HIBADH: variants seen among roughly 807,000 people sequenced by gnomAD.
HIBADH encodes 3-hydroxyisobutyrate dehydrogenase, mitochondrial.
Under a neutral mutation model 36.1 loss-of-function variants are expected in HIBADH, and 25 were observed. The ratio of observed to expected loss-of-function variants is 0.69; its 90% CI spans 0.50 to 0.97. The LOEUF (loss-of-function observed/expected upper bound fraction) is 0.97. HIBADH is among the 50% of genes least tolerant of loss of function. The probability of loss-of-function intolerance (pLI) is 0.00; values close to 1 mark genes in which losing one functional copy is unlikely to be tolerated. For missense variants in HIBADH, 421 were observed against 418.0 expected, an observed-to-expected ratio of 1.01 and a Z score of -0.06; for synonymous variants, 160 against 149.5, an observed-to-expected ratio of 1.07 and a Z score of -0.51.
chr7:27,545,261 C>A (rs535650657), intron 4 of HIBADH, among the ~76,000 whole-genome samples: 1 of 151,860 alleles, frequency 6.6e-6, no homozygotes. Context: ...GGCAACACGG[C>A]GAAACCGTCT....
At chr7:27,601,492 G>A (rs1418850647) in intron 4 of HIBADH, among the ~76,000 whole-genome samples, 1 of 151,918 alleles carries the variant, frequency 6.6e-6, no homozygotes, top group Non-Finnish European at 1.5e-5. Flanking sequence ...CTAAAAAAAA[G>A]CTTATCAGTG....
chr7:27,589,091 T>A (rs564659698), intron 4 of HIBADH, among the ~76,000 whole-genome samples: 3 of 152,316 alleles, frequency 2.0e-5, no homozygotes, highest in Admixed American at 6.5e-5. Flanking sequence ...AATTTTAAAA[T>A]GTGGGAATGG....
At chr7:27,653,512 G>A (rs1786238025) in intron 1 of HIBADH, among the ~76,000 whole-genome samples, 2 of 152,110 alleles carry the variant, frequency 1.3e-5, no homozygotes, top group African/African-American at 2.4e-5. Flanking sequence ...GAGACGGGCG[G>A]ATCACGAGGT....
At chr7:27,636,376 T>C (rs781549881) in intron 2 of HIBADH, among the ~76,000 whole-genome samples, 1 of 152,248 alleles carries the variant, frequency 6.6e-6, no homozygotes, top group Non-Finnish European at 1.5e-5. Context: ...TTAAATACTT[T>C]AAAAGTAGAA....
chr7:27,604,444 G>A (rs1466191680), intron 4 of HIBADH, among the ~76,000 whole-genome samples: 2 of 146,372 alleles, frequency 1.4e-5, no homozygotes, highest in African/African-American at 5.1e-5. Flanking sequence ...TTTTTTTAAT[G>A]TTGGCTACAT....
rs1034966158 is a variant in HIBADH at position 27,553,351 on chromosome 7, A to G, written c.485-10251T>C. On this transcript the variant is annotated intron_variant, in intron 4 of 7. Coordinates refer to ENST00000265395, the MANE Select transcript of HIBADH (RefSeq NM_152740.4). ...AATTGGAAGCAATAGCCGTTCTTCT[A>G]TCCCAAGTTGGCAGCTGCTACATTT... Among the ~76,000 whole-genome samples, 5 of 152,330 alleles carry G rather than the reference A, an allele frequency of 3.3e-5. No homozygotes were observed. The East Asian group carries it at 9.7e-4, about 29-fold the overall frequency.
intron 4 of HIBADH, among the ~76,000 whole-genome samples, chr7:27,613,026 TA>T (rs1324929573): frequency 7.1e-4 from 94 of 132,858 alleles, no homozygotes; most frequent in South Asian, 4.4e-3. Flanking sequence ...ATATATATAT[TA>T]TATTTACATA....
At chr7:27,662,128 G>C (rs914878652) in intron 1 of HIBADH, among the ~76,000 whole-genome samples, 1 of 152,200 alleles carries the variant, frequency 6.6e-6, no homozygotes, top group African/African-American at 2.4e-5. Context: ...GGTTACAGTA[G>C]AGGGGGGAAG....
chr7:27,561,191 G>GTACT (rs1784461766), intron 4 of HIBADH, among the ~76,000 whole-genome samples: 2 of 151,946 alleles, frequency 1.3e-5, no homozygotes, highest in African/African-American at 4.8e-5. Context: ...TTTTCACTGT[G>GTACT]TACTTTATAT....
intron 3 of HIBADH, among the ~76,000 whole-genome samples, chr7:27,630,550 C>G (rs914658207): frequency 1.3e-5 from 2 of 151,904 alleles, no homozygotes; most frequent in Non-Finnish European, 2.9e-5. Flanking sequence ...ACAGAAAAAT[C>G]ATTGATAAAA....
intron 2 of HIBADH, among the ~76,000 whole-genome samples, chr7:27,642,024 G>A (rs1341429207): frequency 2.0e-5 from 3 of 152,188 alleles, no homozygotes; most frequent in Non-Finnish European, 2.9e-5. Context: ...TGTATTGGGG[G>A]AGGAGTGGCA....
In HIBADH at chr7:27,525,763, C is replaced by T. The variant is rs1381398267; in HGVS notation, c.*451G>A. 1 of 152,320 alleles carries T rather than the reference C, an allele frequency of 6.6e-6. No homozygotes were observed. The highest frequency in any genetic ancestry group is 1.5e-5 in the Non-Finnish European group (1 of 68,120). The allele number at this position is 152,320 out of a possible 1,614,324, so 9.4% of individuals were successfully genotyped here. A position where few individuals can be genotyped will look rare whatever the true frequency, so the allele number is the denominator to read the frequency against. ...GGTAGTGCAGTAACCATTTGGTTAA[C>T]AGGACAAACTTCCTGATGGACACAG... On this transcript the variant is annotated 3_prime_UTR_variant, in exon 8 of 8. Transcript: ENST00000265395.
chr7:27,628,431 T>C (rs543576697), intron 4 of HIBADH, among the ~76,000 whole-genome samples: 6 of 152,246 alleles, frequency 3.9e-5, no homozygotes, highest in Admixed American at 3.3e-4. Flanking sequence ...GCTATACTGC[T>C]ACAAATACAT....
At chr7:27,561,015 G>A (rs12673949) in intron 4 of HIBADH, among the ~76,000 whole-genome samples, 121,250 of 152,144 alleles carry the variant, frequency 0.8, 48,757 homozygotes, top group East Asian at 0.97. Context: ...AGTGTTCAGT[G>A]TAATCTCTTT....
intron 4 of HIBADH, among the ~76,000 whole-genome samples, chr7:27,609,002 C>A (rs41326151): frequency 0.1 from 15,762 of 152,230 alleles, 980 homozygotes; most frequent in Non-Finnish European, 0.14. Context: ...TTGGAAATTA[C>A]AGTGCAATTA....
At chr7:27,557,114 T>A (rs1336744784) in intron 4 of HIBADH, among the ~76,000 whole-genome samples, 3 of 149,350 alleles carry the variant, frequency 2.0e-5, no homozygotes, top group African/African-American at 7.4e-5. Context: ...CACTCCAGCC[T>A]GAACAACAGA....
chr7:27,650,999 A>T (rs1307041902), intron 1 of HIBADH, among the ~76,000 whole-genome samples: 4 of 152,172 alleles, frequency 2.6e-5, no homozygotes, highest in Non-Finnish European at 4.4e-5. Flanking sequence ...CAGTCTAGTG[A>T]GGGAAAAGAG....
chr7:27,546,688 G>T (rs1239784511), intron 4 of HIBADH, among the ~76,000 whole-genome samples: 1 of 152,162 alleles, frequency 6.6e-6, no homozygotes, highest in Non-Finnish European at 1.5e-5. Flanking sequence ...TAGTGAATGG[G>T]AAAGACAAGA....
At chr7:27,542,265 G>A (rs971737234) in intron 5 of HIBADH, among the ~76,000 whole-genome samples, 2 of 151,876 alleles carry the variant, frequency 1.3e-5, no homozygotes, top group Non-Finnish European at 2.9e-5. Context: ...GTATAAGTGG[G>A]CCCATGGAGT....
Sources: gnomAD v4.1 joint callset for allele counts (sites outside exome capture counted in the v4.1 genomes callset) on GRCh38, gnomAD v4.1.1 for gene constraint, MANE v1.5 for transcripts, NCBI Gene and HGNC (gene_info 2026-07-23, HGNC 2026-07-21) for gene names.